Variants in EPN2 observed in about 807,000 individuals in gnomAD.
EPN2 encodes epsin 2, also known as epsin-2.
In EPN2, 34 loss-of-function variants were observed where a neutral mutation model predicts 61.7. The ratio of observed to expected loss-of-function variants is 0.55; its 90% CI spans 0.42 to 0.73. EPN2 has a LOEUF of 0.73. Among genes scored for constraint, EPN2 ranks in the 30% least tolerant of loss-of-function variants. The pLI is 0.00. For missense variants in EPN2, 714 were observed against 839.2 expected, an observed-to-expected ratio of 0.85 and a Z score of 1.84; for synonymous variants, 349 against 353.6, an observed-to-expected ratio of 0.99 and a Z score of 0.15.
chr17:19,259,681 C>T (rs778314886), intron 1 of EPN2, among the ~76,000 whole-genome samples: 1 of 152,106 alleles, frequency 6.6e-6, no homozygotes, highest in Non-Finnish European at 1.5e-5. Flanking sequence ...CTCTTTTACA[C>T]TCTCCCTGTT....
chr17:19,289,730 T>TTTTTTTTTTTTTTTTTTTG (rs1370429201), intron 4 of EPN2, among the ~76,000 whole-genome samples: 1 of 118,456 alleles, frequency 8.4e-6, no homozygotes, highest in Non-Finnish European at 1.7e-5. Context: ...CATGGTTTTT[T>TTTTTTTTTTTTTTTTTTTG]TTTTTTTTTT....
intron 4 of EPN2, among the ~76,000 whole-genome samples, chr17:19,302,815 A>G (rs774863943): frequency 3.8e-4 from 58 of 152,352 alleles, no homozygotes; most frequent in Non-Finnish European, 7.6e-4. Context: ...GACCTAGGCC[A>G]AGGTCATGCA....
chr17:19,259,829 C>T (rs1317320709), intron 1 of EPN2, among the ~76,000 whole-genome samples: 1 of 152,292 alleles, frequency 6.6e-6, no homozygotes, highest in East Asian at 1.9e-4. Context: ...GAGGAAGGGA[C>T]GGACTTCTTT....
chr17:19,291,303 C>T (rs144971675), intron 4 of EPN2, among the ~76,000 whole-genome samples: 75 of 152,332 alleles, frequency 4.9e-4, no homozygotes, highest in Non-Finnish European at 9.8e-4. Flanking sequence ...CCAACAGCTG[C>T]TGCTGCTGTC....
rs551977307 is a variant in EPN2, at chr17:19,268,636, AC to A, written c.-293-13318del. ...TATGAATGAGCTGTTCTAGGAACAG[AC>A]TCTAGAAAAAGCTGACCCACGTGTC... On this transcript the variant is annotated intron_variant, in intron 1 of 10. Coordinates refer to ENST00000314728, the MANE Select transcript of EPN2 (RefSeq NM_014964.5). Among the ~76,000 whole-genome samples the A allele has an allele frequency of 2.4e-3, 360 of 152,304 alleles. 3 individuals are homozygous for A. Among genetic ancestry groups the A allele is most frequent in the African/African-American group, 7.3e-3 (303 of 41,552 alleles).
intron 1 of EPN2, among the ~76,000 whole-genome samples, chr17:19,258,183 G>A (rs1274046464): frequency 6.6e-6 from 1 of 152,166 alleles, no homozygotes. Flanking sequence ...AGACAGTGTG[G>A]AGGAGAAAAT....
intron 7 of EPN2, among the ~76,000 whole-genome samples, chr17:19,314,751 T>C (rs1906307210): frequency 6.6e-6 from 1 of 152,126 alleles, no homozygotes; most frequent in African/African-American, 2.4e-5. Context: ...GCTCAAGAGG[T>C]TGGTTCACAA....
intron 1 of EPN2, among the ~76,000 whole-genome samples, chr17:19,262,443 A>C (rs1053111546): frequency 1.3e-5 from 2 of 152,216 alleles, no homozygotes; most frequent in African/African-American, 2.4e-5. Flanking sequence ...ACACCACTGC[A>C]CTCCAGCCTG....
intron 4 of EPN2, among the ~76,000 whole-genome samples, chr17:19,287,207 C>T (rs902350583): frequency 2.0e-5 from 3 of 151,950 alleles, no homozygotes; most frequent in East Asian, 1.9e-4. Flanking sequence ...TGTGCCATTC[C>T]GTTCTCTCTG....
chr17:19,317,509 C>G (rs1377136856), intron 7 of EPN2, among the ~76,000 whole-genome samples: 2 of 152,184 alleles, frequency 1.3e-5, no homozygotes, highest in South Asian at 2.1e-4. Context: ...ACGCACCACC[C>G]CCCCGCGTTG....
intron 9 of EPN2, chr17:19,330,803 C>G (rs1907122808): frequency 6.5e-6 from 1 of 152,872 alleles, no homozygotes; most frequent in Admixed American, 6.5e-5. Context: ...TCAGACCAGC[C>G]TAGGCAACAT....
chr17:19,274,695 G>A (rs1401605261), intron 1 of EPN2, among the ~76,000 whole-genome samples: 3 of 152,164 alleles, frequency 2.0e-5, no homozygotes, highest in Admixed American at 2.0e-4. Flanking sequence ...GTAGAGATGT[G>A]TGCCTTCACC....
At chr17:19,311,403 C>G (rs1047259697) in intron 5 of EPN2, among the ~76,000 whole-genome samples, 4 of 151,968 alleles carry the variant, frequency 2.6e-5, no homozygotes, top group Non-Finnish European at 5.9e-5. Flanking sequence ...TGGCATTGTC[C>G]CTGTGAATAG....
chr17:19,238,371 A>C (rs546707622), intron 1 of EPN2, among the ~76,000 whole-genome samples: 11 of 152,160 alleles, frequency 7.2e-5, no homozygotes, highest in African/African-American at 1.9e-4. Flanking sequence ...AGTCGGTGCC[A>C]ACAGGTTTTT....
chr17:19,274,646 C>T (rs1260277542), intron 1 of EPN2, among the ~76,000 whole-genome samples: 1 of 152,120 alleles, frequency 6.6e-6, no homozygotes. Flanking sequence ...CCTCTCAGCA[C>T]ACGATCAGCC....
chr17:19,286,747 A>C (rs2045408889), intron 4 of EPN2, among the ~76,000 whole-genome samples: 1 of 152,164 alleles, frequency 6.6e-6, no homozygotes, highest in Admixed American at 6.5e-5. Flanking sequence ...TAACTCTAGG[A>C]TATTTTCCTT....
chr17:19,264,377 G>A (rs1249186668), intron 1 of EPN2, among the ~76,000 whole-genome samples: 1 of 152,152 alleles, frequency 6.6e-6, no homozygotes, highest in African/African-American at 2.4e-5. Context: ...GAGAGGCATG[G>A]TCAAAGGACC....
rs758150455 is a variant in EPN2 at position 19,334,061 on chromosome 17, C to T, written c.1733C>T (p.Ser578Phe). 1 of 1,610,112 alleles carries T rather than the reference C, an allele frequency of 6.2e-7. No homozygotes were observed. The highest frequency in any genetic ancestry group is 1.1e-5 in the South Asian group (1 of 90,290). The change falls in exon 11 of 11, where the codon TCC (serine) becomes TTC (phenylalanine). Residue 578 changes from serine (S) to phenylalanine (F), a missense_variant. This residue lies in a region of EPN2 where 410 missense variants were observed against 421.8 expected (regional missense o/e 0.97). Transcript: ENST00000314728. The surrounding 1 kb of genome is among the most constrained non-coding windows in gnomAD (Gnocchi z 4.9). ...RGSPVLGTST[S>F]FGPGPGVESM... ...AGCCCAGTCCTGGGGACCAGCACAT[C>T]CTTTGGGCCTGGCCCAGGAGTGGAG...
chr17:19,244,623 T>C (rs1012494625), intron 1 of EPN2, among the ~76,000 whole-genome samples: 4 of 152,160 alleles, frequency 2.6e-5, no homozygotes, highest in African/African-American at 9.7e-5. Flanking sequence ...TGTTTACAGT[T>C]CGAATTTTTT....
Sources: allele counts gnomAD v4.1 joint callset (sites outside exome capture counted in the v4.1 genomes callset), GRCh38; gene constraint gnomAD v4.1.1; regional missense constraint gnomAD v4.1.1; non-coding constraint Gnocchi (gnomAD v3.1); transcripts MANE v1.5; gene names NCBI Gene and HGNC (gene_info 2026-07-23, HGNC 2026-07-21).